Variants in PPP1R1C observed in about 807,000 individuals in gnomAD.
The protein encoded by PPP1R1C is protein phosphatase 1 regulatory subunit 1C.
In PPP1R1C, 15 loss-of-function variants were observed where a neutral mutation model predicts 17.4. The observed-to-expected ratio is 0.86, with a 90% CI of 0.58 to 1.33. PPP1R1C has a LOEUF of 1.33. Ranked by LOEUF, PPP1R1C falls within the 40% of genes most tolerant of loss-of-function variation. The probability of loss-of-function intolerance (pLI) is 0.00; values close to 1 mark genes in which losing one functional copy is unlikely to be tolerated. For missense variants in PPP1R1C, 143 were observed against 130.0 expected (o/e 1.10, Z -0.48); for synonymous variants, 35 against 43.1 (o/e 0.81, Z 0.73).
chr2:182,085,430 G>A (rs1688601366), intron 4 of PPP1R1C, among the ~76,000 whole-genome samples: 1 of 152,004 alleles, frequency 6.6e-6, no homozygotes, highest in Admixed American at 6.6e-5. Flanking sequence ...TGTAGAAAAT[G>A]TGTAGTTACA....
At chr2:182,016,051 A>G (rs1285953053) in intron 2 of PPP1R1C, among the ~76,000 whole-genome samples, 1 of 152,130 alleles carries the variant, frequency 6.6e-6, no homozygotes, top group African/African-American at 2.4e-5. Context: ...AGGACCCCAG[A>G]GTGCTTTAGC....
At position 181,962,444 on chromosome 2, in the gene PPP1R1C, T is replaced by G; in HGVS notation, n.111+7810T>G. 1 of 707,136 alleles carries G rather than the reference T, an allele frequency of 1.4e-6. No homozygotes were observed. The highest frequency in any genetic ancestry group is 2.6e-6 in the Non-Finnish European group (1 of 380,244). 43.8% of individuals were successfully genotyped at this position (707,136 alleles called of 1,614,324 possible). ...CTGGACAGAGCCCAGGAACAGGTAG[T>G]TGGTGGAGAAGATGGAGCGAGTGGT... On this transcript the variant is annotated intron_variant and non_coding_transcript_variant, in intron 1 of 5. Coordinates refer to the PPP1R1C transcript ENST00000464264. The surrounding 1 kb of genome is among the most constrained non-coding windows in gnomAD (Gnocchi z 6.0).
chr2:182,029,513 T>G (rs1301794400), intron 2 of PPP1R1C, among the ~76,000 whole-genome samples: 1 of 149,670 alleles, frequency 6.7e-6, no homozygotes, highest in Non-Finnish European at 1.5e-5. Flanking sequence ...TTGAAAATTC[T>G]TTTCTTTAAG....
At chr2:182,061,590 A>T in intron 3 of PPP1R1C, 111 bp downstream of exon 3, 1 of 570,166 alleles carries the variant, frequency 1.8e-6, no homozygotes, top group African/African-American at 2.0e-5. Flanking sequence ...AAAACTTTAG[A>T]TTGCTCCTTC....
rs147250055 is a variant in PPP1R1C, at chr2:181,973,109, C to T, written n.112-2110C>T. 3.7e-4 allele frequency among the ~76,000 whole-genome samples: 57 copies of T among 152,192 alleles called. No individual in the cohort carries two copies. In the East Asian group the frequency reaches 0.011, roughly 28 times the overall value. On this transcript the variant is annotated intron_variant and non_coding_transcript_variant, in intron 1 of 5. Coordinates refer to the PPP1R1C transcript ENST00000464264. ...CACTGGTGATCCCCAAAACAGGTTG[C>T]TGTGGCATAAATATGATCAGTAAGC...
At chr2:182,082,944 C>T (rs1402818107) in intron 4 of PPP1R1C, among the ~76,000 whole-genome samples, 2 of 152,104 alleles carry the variant, frequency 1.3e-5, no homozygotes, top group Non-Finnish European at 2.9e-5. Context: ...ATAGAATCAA[C>T]ACAGCCCAAC....
At chr2:182,096,383 C>A (rs771403261) in intron 4 of PPP1R1C, among the ~76,000 whole-genome samples, 3 of 152,108 alleles carry the variant, frequency 2.0e-5, no homozygotes, top group Non-Finnish European at 4.4e-5. Context: ...ACAGAGTGAC[C>A]TTGCTTCTGT....
chr2:181,986,411 AC>A (rs1444862263), intron 1 of PPP1R1C, among the ~76,000 whole-genome samples: 1 of 152,174 alleles, frequency 6.6e-6, no homozygotes, highest in East Asian at 1.9e-4. Flanking sequence ...CAAAATTAGC[AC>A]CTCTGAGGGG....
intron 4 of PPP1R1C, among the ~76,000 whole-genome samples, chr2:182,066,158 T>C (rs931595084): frequency 2.6e-5 from 4 of 152,152 alleles, no homozygotes; most frequent in Admixed American, 6.5e-5. Flanking sequence ...GAGCTGACTA[T>C]AAAATCAAAA....
intron 2 of PPP1R1C, among the ~76,000 whole-genome samples, chr2:182,031,766 A>C (rs1408154794): frequency 6.6e-6 from 1 of 152,220 alleles, no homozygotes; most frequent in African/African-American, 2.4e-5. Context: ...CAAAATTTAT[A>C]AATTCTATAA....
At chr2:182,022,307 G>T (rs1686452807) in intron 2 of PPP1R1C, among the ~76,000 whole-genome samples, 1 of 152,236 alleles carries the variant, frequency 6.6e-6, no homozygotes, top group African/African-American at 2.4e-5. Context: ...GCTCTGGGGG[G>T]AAATCAGAGA....
At chr2:182,045,602 T>C (rs1165771931) in intron 2 of PPP1R1C, among the ~76,000 whole-genome samples, 9 of 152,118 alleles carry the variant, frequency 5.9e-5, no homozygotes, top group Non-Finnish European at 1.2e-4. Flanking sequence ...AATAAAAGTT[T>C]TCCTCTTGTT....
chr2:182,095,689 C>T (rs1026750970), intron 4 of PPP1R1C, among the ~76,000 whole-genome samples: 1 of 152,148 alleles, frequency 6.6e-6, no homozygotes, highest in African/African-American at 2.4e-5. Context: ...CTTTTCTTTA[C>T]CCATCAGATG....
chr2:181,973,194 G>A (rs1685042137), intron 1 of PPP1R1C, among the ~76,000 whole-genome samples: 1 of 152,024 alleles, frequency 6.6e-6, no homozygotes, highest in African/African-American at 2.4e-5. Context: ...AGACACAGAG[G>A]CAAATGCTCT....
chr2:182,060,076 A>G (rs1687806531), intron 2 of PPP1R1C, among the ~76,000 whole-genome samples: 2 of 152,300 alleles, frequency 1.3e-5, no homozygotes, highest in African/African-American at 4.8e-5. Context: ...TAGTATATCC[A>G]TAGCTGCCTG....
intron 1 of PPP1R1C, among the ~76,000 whole-genome samples, chr2:181,964,416 T>C (rs1684869083): frequency 6.6e-6 from 1 of 152,230 alleles, no homozygotes; most frequent in South Asian, 2.1e-4. Flanking sequence ...TGAATAGTGC[T>C]ACAATAAACA....
chr2:182,023,583 A>G (rs562978812), intron 2 of PPP1R1C, among the ~76,000 whole-genome samples: 2 of 152,320 alleles, frequency 1.3e-5, no homozygotes, highest in African/African-American at 4.8e-5. Context: ...TCCAACAACA[A>G]CTTGCCTAGT....
intron 4 of PPP1R1C, among the ~76,000 whole-genome samples, chr2:182,093,767 T>C (rs1409908332): frequency 6.6e-6 from 1 of 152,216 alleles, no homozygotes; most frequent in East Asian, 1.9e-4. Flanking sequence ...CAATTCCCAA[T>C]AAGTTCCTCA....
At position 181,962,934 on chromosome 2, in the gene PPP1R1C, A is replaced by T. The variant is rs1409759802; in HGVS notation, n.111+8300A>T. The stretch of plus-strand genomic sequence containing the variant: ...TGAAGTAGGAGTTCAGACACAGGAT[A>T]CTCCCAGGGTGGGTAGTATACAAGG... On this transcript the variant is annotated intron_variant and non_coding_transcript_variant, in intron 1 of 5. Transcript: ENST00000464264. The surrounding 1 kb of genome is among the most constrained non-coding windows in gnomAD (Gnocchi z 6.0). Among the ~76,000 whole-genome samples, 1 of 152,076 alleles carries T rather than the reference A, an allele frequency of 6.6e-6. No homozygotes were observed. Among genetic ancestry groups the T allele is most frequent in the Non-Finnish European group, 1.5e-5 (1 of 68,010 alleles).
Sources: allele counts gnomAD v4.1 joint callset (sites outside exome capture counted in the v4.1 genomes callset), GRCh38; gene constraint gnomAD v4.1.1; non-coding constraint Gnocchi (gnomAD v3.1); transcripts MANE v1.5; gene names NCBI Gene and HGNC (gene_info 2026-07-23, HGNC 2026-07-21).